The following DMRTA1 variants were observed in gnomAD, a reference collection of about 807,000 sequenced individuals.
DMRTA1 encodes DMRT like family A1, also known as doublesex- and mab-3-related transcription factor A1.
DMRTA1 carries 34 observed loss-of-function variants against 35.2 expected under a neutral mutation model. The observed-to-expected ratio is 0.97, with a 90% CI of 0.74 to 1.29. The LOEUF (loss-of-function observed/expected upper bound fraction) is 1.29, where lower values mean the gene tolerates loss of function less well. DMRTA1 is among the 50% of genes most tolerant of loss of function. The pLI, the probability that DMRTA1 is intolerant of heterozygous loss-of-function variation, is 0.00. For missense variants in DMRTA1, 824 were observed against 644.6 expected, an observed-to-expected ratio of 1.28 and a Z score of -3.01; for synonymous variants, 344 against 276.6, an observed-to-expected ratio of 1.24 and a Z score of -2.42.
chr9:22,446,990 TC>T lies in DMRTA1; in HGVS notation c.-72del. The T allele has an allele frequency of 3.2e-6, 5 of 1,538,792 alleles. No individual in the cohort carries two copies. The highest frequency in any genetic ancestry group is 2.5e-5 in the East Asian group (1 of 39,554). ...GACCACGGCGCGTCCTGCCCCGGCT[TC>T]CCCAGCCTCCCAGCAGGGTTAGCTG... On this transcript the variant is annotated 5_prime_UTR_variant, in exon 1 of 2. Coordinates refer to ENST00000325870, the MANE Select transcript of DMRTA1 (RefSeq NM_022160.3).
rs564051523 is a variant in DMRTA1 at position 22,447,849 on chromosome 9, A to G, written c.667+117A>G. ...AATAGTTGTTTAAAAGAAACACTTT[A>G]AGTTTTGGGGAACTGCTCAGCAATA... On this transcript the variant is annotated intron_variant, in intron 1 of 1. Coordinates refer to ENST00000325870, the MANE Select transcript of DMRTA1 (RefSeq NM_022160.3). 4.0e-6 allele frequency: 5 copies of G among 1,253,688 alleles called. No individual in the cohort carries two copies. In the African/African-American group the frequency reaches 7.5e-5, roughly 19 times the overall value. 77.7% of individuals were successfully genotyped at this position (1,253,688 alleles called of 1,614,324 possible). A position where few individuals can be genotyped will look rare whatever the true frequency, so the allele number is the denominator to read the frequency against.
chr9:22,450,818 A>G (rs1252680082), intron 1 of DMRTA1, among the ~76,000 whole-genome samples: 1 of 152,176 alleles, frequency 6.6e-6, no homozygotes, highest in African/African-American at 2.4e-5. Context: ...ATATAATTGC[A>G]TTTTAATATT....
chr9:22,451,572 T>G lies in DMRTA1; in HGVS notation c.1176T>G (p.Ser392Arg). The change falls in exon 2 of 2, where the codon AGT becomes AGG. Residue 392 changes from serine (S) to arginine (R), a missense_variant. Transcript: ENST00000325870. ...LENTAFQRAS[S>R]FSLAGIGFGT... Reference sequence around the variant, plus strand: ...ACACAGCCTTTCAGAGAGCTTCAAGTTTTAGTCTTGCTGGAATTGGTTTTG... The same window carrying G: ...ACACAGCCTTTCAGAGAGCTTCAAGGTTTAGTCTTGCTGGAATTGGTTTTG... 3 of 1,614,084 alleles carry G rather than the reference T, an allele frequency of 1.9e-6. No individual in the cohort carries two copies. The highest frequency in any genetic ancestry group is 2.5e-6 in the Non-Finnish European group (3 of 1,179,950).
chr9:22,451,127 A>G lies in DMRTA1; in HGVS notation c.731A>G (p.His244Arg), dbSNP rs764433058. The G allele has an allele frequency of 1.2e-5, 20 of 1,614,008 alleles. No homozygotes were observed. Among genetic ancestry groups the G allele is most frequent in the Non-Finnish European group, 1.7e-5 (20 of 1,179,940 alleles). ...NGQEELISKS[H>R]QLYLGSSSRS... is the part of the protein sequence containing the mutation. ...CAAGAAGAACTGATCTCCAAATCCC[A>G]TCAGCTTTACCTAGGATCATCTTCT... Residue 244 changes from histidine to arginine, a missense_variant, in exon 2 of 2, where the codon CAT (histidine) becomes CGT (arginine). Coordinates refer to ENST00000325870, the MANE Select transcript of DMRTA1 (RefSeq NM_022160.3).
rs1818851542 is a variant in DMRTA1, at chr9:22,447,430, C to T, written c.365C>T (p.Ala122Val). Residue 122 changes from alanine (A) to valine (V), a missense_variant, in exon 1 of 2, where the codon GCG (alanine) becomes GTG (valine). By Grantham distance (64) the Ala-to-Val change is moderately conservative. Coordinates refer to ENST00000325870, the MANE Select transcript of DMRTA1 (RefSeq NM_022160.3). The part of the protein sequence containing the change: ...HKRFCRWRDC[A>V]CAKCTLIAER... ...CGCTTCTGCCGCTGGCGGGACTGCGCGTGTGCCAAGTGCACCCTGATCGCC... is the reference window on the plus strand; with the variant it reads ...CGCTTCTGCCGCTGGCGGGACTGCGTGTGTGCCAAGTGCACCCTGATCGCC... 2.6e-6 allele frequency: 4 copies of T among 1,552,530 alleles called. No homozygotes were observed. The highest frequency in any genetic ancestry group is 3.5e-6 in the Non-Finnish European group (4 of 1,150,062).
chr9:22,448,528 G>A lies in DMRTA1; in HGVS notation c.667+796G>A, dbSNP rs1273443615. Among the ~76,000 whole-genome samples the A allele has an allele frequency of 2.0e-5, 3 of 151,966 alleles. No homozygotes were observed. In the East Asian group the frequency reaches 5.8e-4, roughly 29 times the overall value. ...TGCGAGTCAGTTGCCTTCATTTCCT[G>A]CGTTAGGAGATATATTTTAGTGAAC... On this transcript the variant is annotated intron_variant, in intron 1 of 1. Coordinates refer to ENST00000325870, the MANE Select transcript of DMRTA1 (RefSeq NM_022160.3).
At chr9:22,447,790 C>A in intron 1 of DMRTA1, 58 bp downstream of exon 1, 1 of 1,596,724 alleles carries the variant, frequency 6.3e-7, no homozygotes. Context: ...GAAAGAAACT[C>A]TGAAACAAGC....
At position 22,447,634 on chromosome 9, in the gene DMRTA1, CGG is replaced by C; in HGVS notation, c.573_574del (p.Ala192CysfsTer27). On this transcript the variant is annotated frameshift_variant, in exon 1 of 2. Coordinates refer to ENST00000325870, the MANE Select transcript of DMRTA1 (RefSeq NM_022160.3). LOFTEE classifies it high-confidence loss of function. ...CCACAGTCCACGGGCGGCCCTGCGG[CGG>C]GGGCTGCGCTGGGACTGGGTGCCTT... 1 of 1,604,154 alleles carries C rather than the reference CGG, an allele frequency of 6.2e-7. No individual in the cohort carries two copies. Among genetic ancestry groups the C allele is most frequent in the Non-Finnish European group, 8.5e-7 (1 of 1,174,856 alleles).
chr9:22,447,309 A>G lies in DMRTA1; in HGVS notation c.244A>G (p.Ser82Gly), dbSNP rs754621439. 8 of 1,523,090 alleles carry G rather than the reference A, an allele frequency of 5.3e-6. No individual in the cohort carries two copies. In the East Asian group the frequency reaches 1.9e-4, roughly 36 times the overall value. 94.3% of individuals were successfully genotyped at this position (1,523,090 alleles called of 1,614,324 possible). The change falls in exon 1 of 2, where the codon AGC becomes GGC. Residue 82 changes from serine to glycine, a missense_variant. Ser to Gly is a moderately conservative substitution (Grantham distance 56). Transcript: ENST00000325870. ...GGCPPAPGLE[S>G]GVGAVGCGYP... is the part of the protein sequence containing the mutation. ...CTGCCCGCCGGCTCCCGGGCTGGAG[A>G]GCGGGGTAGGCGCGGTGGGCTGCGG...
intron 1 of DMRTA1, among the ~76,000 whole-genome samples, chr9:22,450,585 A>G (rs1418534058): frequency 2.0e-5 from 3 of 152,178 alleles, no homozygotes; most frequent in African/African-American, 7.2e-5. Context: ...GTGATTAAAT[A>G]GAATATTCAT....
chr9:22,454,880 A>G lies in DMRTA1; in HGVS notation c.*2969A>G, dbSNP rs1818981369. 6.6e-6 allele frequency: 1 copy of G among 152,136 alleles called. No individual in the cohort carries two copies. The allele number at this position is 152,136 out of a possible 1,614,324, so 9.4% of individuals were successfully genotyped here. A position where few individuals can be genotyped will look rare whatever the true frequency, so the allele number is the denominator to read the frequency against. ...TGAAAAATGCATGTAGAAAATACCA[A>G]TCAGAGCCTGATTGATGGGATTTTT... On this transcript the variant is annotated 3_prime_UTR_variant, in exon 2 of 2. Coordinates refer to ENST00000325870, the MANE Select transcript of DMRTA1 (RefSeq NM_022160.3).
chr9:22,447,002 C>T lies in DMRTA1; in HGVS notation c.-64C>T, dbSNP rs1587667817. On this transcript the variant is annotated 5_prime_UTR_variant, in exon 1 of 2. Coordinates refer to ENST00000325870, the MANE Select transcript of DMRTA1 (RefSeq NM_022160.3). ...TCCTGCCCCGGCTTCCCCAGCCTCC[C>T]AGCAGGGTTAGCTGCGGTCAGCGCA... 1.3e-6 allele frequency: 2 copies of T among 1,556,342 alleles called. No individual in the cohort carries two copies. Among genetic ancestry groups the T allele is most frequent in the East Asian group, 2.5e-5 (1 of 40,486 alleles).
At position 22,452,190 on chromosome 9, in the gene DMRTA1, T is replaced by C. The variant is rs1489821858; in HGVS notation, c.*279T>C. 7.0e-6 allele frequency: 2 copies of C among 285,982 alleles called. No individual in the cohort carries two copies. The highest frequency in any genetic ancestry group is 4.6e-5 in the Admixed American group (1 of 21,760). The allele number at this position is 285,982 out of a possible 1,614,324, so 17.7% of individuals were successfully genotyped here. On this transcript the variant is annotated 3_prime_UTR_variant, in exon 2 of 2. Transcript: ENST00000325870. ...TTTAATGAATTTTCTCCCTAAATTA[T>C]CATTTGTAAACATTTTTATTTTAAA...
In DMRTA1 at chr9:22,447,392, C is replaced by T. The variant is rs760179259; in HGVS notation, c.327C>T (p.Leu109=). The T allele has an allele frequency of 2.4e-5, 37 of 1,552,626 alleles. No homozygotes were observed. Among genetic ancestry groups the T allele is most frequent in the Non-Finnish European group, 3.0e-5 (34 of 1,151,250 alleles). Residue 109 remains leucine (L), a synonymous_variant, in exon 1 of 2, where the codon CTC becomes CTT. Transcript: ENST00000325870. ...RCRNHGVVSA[L]KGHKRFCRWR... Reference sequence around the variant, plus strand: ...GTAACCATGGTGTGGTGTCAGCGCTCAAGGGCCACAAGCGCTTCTGCCGCT... The same window carrying T: ...GTAACCATGGTGTGGTGTCAGCGCTTAAGGGCCACAAGCGCTTCTGCCGCT...
At chr9:22,451,028 C>T (rs749280346) in intron 1 of DMRTA1, 36 bp from the exon 2 acceptor site, 2 of 1,580,414 alleles carry the variant, frequency 1.3e-6, no homozygotes, top group Admixed American at 3.5e-5. Flanking sequence ...GGGAAGTCTT[C>T]CCTGTATTTG....
chr9:22,450,650 C>G (rs1327116965), intron 1 of DMRTA1, among the ~76,000 whole-genome samples: 1 of 152,046 alleles, frequency 6.6e-6, no homozygotes, highest in Non-Finnish European at 1.5e-5. Flanking sequence ...AGTTCTCTTT[C>G]CATAGTGTCA....
intron 1 of DMRTA1, among the ~76,000 whole-genome samples, chr9:22,449,670 G>C (rs2117956102): frequency 6.6e-6 from 1 of 152,140 alleles, no homozygotes; most frequent in South Asian, 2.1e-4. Context: ...AAGTATTATT[G>C]TGTTATTTAA....
In DMRTA1 at chr9:22,447,366, C is replaced by T. The variant is rs756031690; in HGVS notation, c.301C>T (p.Arg101Cys). 6.5e-7 allele frequency: 1 copy of T among 1,544,730 alleles called. No homozygotes were observed. Among genetic ancestry groups the T allele is most frequent in the Non-Finnish European group, 8.7e-7 (1 of 1,149,102 alleles). ...GCGGACGCCCAAGTGCGCCCGCTGT[C>T]GTAACCATGGTGTGGTGTCAGCGCT... The part of the protein sequence containing the change: ...YPRTPKCARC[R>C]NHGVVSALKG... The change falls in exon 1 of 2, where the codon CGT becomes TGT. Residue 101 changes from arginine to cysteine, a missense_variant. Coordinates refer to ENST00000325870, the MANE Select transcript of DMRTA1 (RefSeq NM_022160.3).
chr9:22,447,621 G>A lies in DMRTA1; in HGVS notation c.556G>A (p.Gly186Ser), dbSNP rs1438041520. The change falls in exon 1 of 2, where the codon GGC (glycine) becomes AGC (serine). Residue 186 changes from glycine (G) to serine (S), a missense_variant. Physicochemically the swap from Gly to Ser is moderately conservative, Grantham distance 56. Transcript: ENST00000325870. ...GGRAENPQST[G>S]GPAAGAALGL... The stretch of plus-strand genomic sequence containing the variant: ...CAGAGCCGAGAATCCACAGTCCACG[G>A]GCGGCCCTGCGGCGGGGGCTGCGCT... 5 of 1,611,064 alleles carry A rather than the reference G, an allele frequency of 3.1e-6. No homozygotes were observed. The highest frequency in any genetic ancestry group is 4.2e-6 in the Non-Finnish European group (5 of 1,179,562).
Sources: allele counts gnomAD v4.1 joint callset (sites outside exome capture counted in the v4.1 genomes callset), GRCh38; gene constraint gnomAD v4.1.1; transcripts MANE v1.5; gene names NCBI Gene and HGNC (gene_info 2026-07-23, HGNC 2026-07-21).